Variants in MAML2 observed in about 807,000 individuals in gnomAD.
MAML2 encodes mastermind like transcriptional coactivator 2.
A neutral mutation model predicts 96.1 loss-of-function variants in MAML2; 22 were observed. The observed-to-expected ratio is 0.23, with a 90% CI of 0.16 to 0.33. The LOEUF is 0.33. Ranked by LOEUF, MAML2 falls within the 10% of genes least tolerant of loss-of-function variation. The pLI is 1.00. For missense variants in MAML2, 1,367 were observed against 1,392.4 expected, an observed-to-expected ratio of 0.98 and a Z score of 0.29; for synonymous variants, 561 against 521.3, an observed-to-expected ratio of 1.08 and a Z score of -1.04.
intron 1 of MAML2, among the ~76,000 whole-genome samples, chr11:96,212,049 T>C (rs894231143): frequency 2.0e-5 from 3 of 151,620 alleles, no homozygotes; most frequent in African/African-American, 7.3e-5. Flanking sequence ...TGGATAGATA[T>C]GGAACTTGGG....
chr11:96,279,864 G>A (rs1245304636), intron 1 of MAML2, among the ~76,000 whole-genome samples: 1 of 152,124 alleles, frequency 6.6e-6, no homozygotes. Context: ...GATGAACTGA[G>A]CACTTTATAA....
intron 1 of MAML2, among the ~76,000 whole-genome samples, chr11:96,096,934 G>T (rs930057427): frequency 1.3e-5 from 2 of 152,162 alleles, no homozygotes; most frequent in Non-Finnish European, 2.9e-5. Context: ...AAACTTCACT[G>T]GGCATGATAC....
intron 1 of MAML2, among the ~76,000 whole-genome samples, chr11:96,172,034 A>G (rs1861305477): frequency 6.6e-6 from 1 of 152,268 alleles, no homozygotes; most frequent in Admixed American, 6.5e-5. Context: ...AGAGAGCGAC[A>G]CTTGGGCAAA....
intron 1 of MAML2, among the ~76,000 whole-genome samples, chr11:96,313,237 C>G (rs1461181755): frequency 2.6e-5 from 4 of 152,092 alleles, no homozygotes; most frequent in Admixed American, 2.0e-4. Flanking sequence ...CTTCTGAGAC[C>G]AATAGTCTAA....
chr11:96,136,917 G>A (rs987520178), intron 1 of MAML2, among the ~76,000 whole-genome samples: 2 of 152,164 alleles, frequency 1.3e-5, no homozygotes, highest in African/African-American at 4.8e-5. Context: ...ACATCTTTGA[G>A]GGGTTATAAT....
At chr11:96,315,115 A>G (rs1863610856) in intron 1 of MAML2, among the ~76,000 whole-genome samples, 1 of 152,212 alleles carries the variant, frequency 6.6e-6, no homozygotes, top group Non-Finnish European at 1.5e-5. Context: ...TCTAAAGAGT[A>G]TATTAAAGAG....
intron 2 of MAML2, among the ~76,000 whole-genome samples, chr11:96,081,392 A>C (rs1346014531): frequency 6.6e-6 from 1 of 152,194 alleles, no homozygotes; most frequent in Non-Finnish European, 1.5e-5. Flanking sequence ...GTGTCTTTCC[A>C]AAATTCCCAG....
At chr11:96,075,722 C>A (rs953706662) in intron 2 of MAML2, among the ~76,000 whole-genome samples, 1 of 152,128 alleles carries the variant, frequency 6.6e-6, no homozygotes, top group Non-Finnish European at 1.5e-5. Context: ...AAGGGGAAAC[C>A]TGACTGATGA....
chr11:96,015,344 A>T (rs1296510713), intron 2 of MAML2, among the ~76,000 whole-genome samples: 1 of 152,162 alleles, frequency 6.6e-6, no homozygotes, highest in Non-Finnish European at 1.5e-5. Flanking sequence ...TCCAAACCCC[A>T]GTTTCCTCAT....
At chr11:96,171,723 G>T (rs903147823) in intron 1 of MAML2, among the ~76,000 whole-genome samples, 3 of 152,220 alleles carry the variant, frequency 2.0e-5, no homozygotes, top group Non-Finnish European at 4.4e-5. Flanking sequence ...GGTGATAGTA[G>T]AAACCAAATA....
intron 1 of MAML2, among the ~76,000 whole-genome samples, chr11:96,107,610 AGCCTCAGGAGGCG>A (rs1860046197): frequency 6.6e-6 from 1 of 152,222 alleles, no homozygotes; most frequent in South Asian, 2.1e-4. Flanking sequence ...GCTCCTGGAT[AGCCTCAGGAGGCG>A]GGACTGGTTG....
intron 1 of MAML2, among the ~76,000 whole-genome samples, chr11:96,255,081 T>C (rs1210708984): frequency 1.3e-5 from 2 of 152,168 alleles, no homozygotes; most frequent in Non-Finnish European, 2.9e-5. Flanking sequence ...CCGCCTGCCA[T>C]GGCCTCCCAG....
At chr11:95,991,233 C>T (rs1310591779) in intron 3 of MAML2, among the ~76,000 whole-genome samples, 1 of 152,142 alleles carries the variant, frequency 6.6e-6, no homozygotes, top group African/African-American at 2.4e-5. Context: ...ACACTGGTTT[C>T]TTTTGCCTGA....
At chr11:96,278,111 A>C (rs1367192560) in intron 1 of MAML2, among the ~76,000 whole-genome samples, 1 of 152,112 alleles carries the variant, frequency 6.6e-6, no homozygotes, top group Non-Finnish European at 1.5e-5. Flanking sequence ...ACACCTTGAG[A>C]ACCACTGCCT....
chr11:96,330,623 C>T (rs1372677922), intron 1 of MAML2, among the ~76,000 whole-genome samples: 4 of 152,234 alleles, frequency 2.6e-5, no homozygotes. Flanking sequence ...CCTGGGCTCA[C>T]TTGTGTGGCC....
chr11:96,342,288 GAGAC>G lies in MAML2; in HGVS notation c.-397_-394del. ...CAAGAATTCAGGGATTGTCCAGCAA[GAGAC>G]AGAAACACACAGCAAAAGGTATTGA... On this transcript the variant is annotated 5_prime_UTR_variant, in exon 1 of 5. Transcript: ENST00000524717. The G allele has an allele frequency of 2.3e-6, 1 of 430,176 alleles. No individual in the cohort carries two copies. The highest frequency in any genetic ancestry group is 3.9e-5 in the Admixed American group (1 of 25,954). 26.6% of individuals were successfully genotyped at this position (430,176 alleles called of 1,614,324 possible). A position where few individuals can be genotyped will look rare whatever the true frequency, so the allele number is the denominator to read the frequency against.
In MAML2 at chr11:95,978,790, C is replaced by T. The variant is rs1380249399; in HGVS notation, c.*158G>A. 1 of 683,414 alleles carries T rather than the reference C, an allele frequency of 1.5e-6. No homozygotes were observed. Among genetic ancestry groups the T allele is most frequent in the Non-Finnish European group, 2.4e-6 (1 of 425,138 alleles). 42.3% of individuals were successfully genotyped at this position (683,414 alleles called of 1,614,324 possible). ...GTAAGATTTAAAACAAGAATTTGGA[C>T]CAAAATGTTCATCACTGCAGTTACT... On this transcript the variant is annotated 3_prime_UTR_variant, in exon 5 of 5. Coordinates refer to ENST00000524717, the MANE Select transcript of MAML2 (RefSeq NM_032427.4).
chr11:96,305,355 G>A (rs73531143), intron 1 of MAML2, among the ~76,000 whole-genome samples: 25,457 of 152,018 alleles, frequency 0.17, 2,525 homozygotes, highest in African/African-American at 0.26. Context: ...CAGACCTTGG[G>A]TGATAGTGGT....
chr11:96,184,990 T>C (rs1008949606), intron 1 of MAML2, among the ~76,000 whole-genome samples: 2 of 152,172 alleles, frequency 1.3e-5, no homozygotes, highest in African/African-American at 4.8e-5. Context: ...AGAACTATCA[T>C]AGGAAGAAAT....
Sources: allele counts gnomAD v4.1 joint callset (sites outside exome capture counted in the v4.1 genomes callset), GRCh38; gene constraint gnomAD v4.1.1; transcripts MANE v1.5; gene names NCBI Gene and HGNC (gene_info 2026-07-23, HGNC 2026-07-21).